The following BCO1 variants were observed in gnomAD, a reference collection of about 807,000 sequenced individuals.
BCO1 encodes beta-carotene oxygenase 1, also known as beta,beta-carotene 15,15'-dioxygenase.
BCO1 carries 54 observed loss-of-function variants against 56.3 expected under a neutral mutation model. That is an observed-to-expected ratio of 0.96 (90% CI 0.77 to 1.20). The LOEUF is 1.20. Among genes scored for constraint, BCO1 ranks in the 50% most tolerant of loss-of-function variants. The probability of loss-of-function intolerance (pLI) is 0.00; values close to 1 mark genes in which losing one functional copy is unlikely to be tolerated. For missense variants in BCO1, 801 were observed against 690.9 expected (o/e 1.16, Z -1.79); for synonymous variants, 318 against 266.1 (o/e 1.20, Z -1.90).
chr16:81,244,112 C>T (rs1382088229), intron 1 of BCO1, among the ~76,000 whole-genome samples: 1 of 152,218 alleles, frequency 6.6e-6, no homozygotes, highest in African/African-American at 2.4e-5. Context: ...GCCTGCCCCA[C>T]CCGCAGTCAG....
chr16:81,261,366 C>G (rs541557757), intron 3 of BCO1, among the ~76,000 whole-genome samples: 1 of 152,318 alleles, frequency 6.6e-6, no homozygotes, highest in East Asian at 1.9e-4. Context: ...GTGTTCTTAA[C>G]TCATAATTAG....
At chr16:81,245,899 G>C (rs1284272482) in intron 2 of BCO1, among the ~76,000 whole-genome samples, 4 of 97,376 alleles carry the variant, frequency 4.1e-5, no homozygotes, top group Admixed American at 1.7e-4. Flanking sequence ...TTTTGCTCTT[G>C]TTGCCCAAGC....
rs1434044705 is a variant in BCO1, at chr16:81,264,884, G to A, written c.619+97G>A. ...CGTTGATGACACAAGATCCAGTGTG[G>A]TACTTTCTCCCGTAGATTATTGAGG... On this transcript the variant is annotated intron_variant, in intron 5 of 10. Coordinates refer to ENST00000258168, the MANE Select transcript of BCO1 (RefSeq NM_017429.3). The A allele has an allele frequency of 4.3e-6, 6 of 1,389,734 alleles. No homozygotes were observed. The East Asian group carries it at 1.2e-4, about 27-fold the overall frequency. 86.1% of individuals were successfully genotyped at this position (1,389,734 alleles called of 1,614,324 possible).
chr16:81,268,069 G>T lies in BCO1; in HGVS notation c.781G>T (p.Ala261Ser). The change falls in exon 6 of 11, where the codon GCA (alanine) becomes TCA (serine). Residue 261 changes from alanine to serine, a missense_variant. Transcript: ENST00000258168. ...TTTCAGGTTGGATATTCTCAAGATG[G>T]CAACCGCATACATCCGGAGAATGAG... ...QPFRLDILKMATAYIRRMSWA... is the reference protein window; with the variant it reads ...QPFRLDILKMSTAYIRRMSWA... The T allele has an allele frequency of 6.2e-7, 1 of 1,613,036 alleles. No homozygotes were observed. Among genetic ancestry groups the T allele is most frequent in the Non-Finnish European group, 8.5e-7 (1 of 1,179,992 alleles).
intron 7 of BCO1, among the ~76,000 whole-genome samples, chr16:81,275,491 T>C (rs1225158669): frequency 6.6e-6 from 1 of 152,242 alleles, no homozygotes; most frequent in African/African-American, 2.4e-5. Context: ...TTGTAACTCT[T>C]TGTCAACATT....
chr16:81,273,676 T>C (rs1007761959), intron 7 of BCO1, among the ~76,000 whole-genome samples: 1 of 151,670 alleles, frequency 6.6e-6, no homozygotes, highest in Non-Finnish European at 1.5e-5. Flanking sequence ...CACTCTCTAC[T>C]TAGCTCATTT....
intron 9 of BCO1, among the ~76,000 whole-genome samples, chr16:81,287,034 C>A (rs1246231977): frequency 6.6e-6 from 1 of 151,806 alleles, no homozygotes; most frequent in Non-Finnish European, 1.5e-5. Flanking sequence ...AAGATCACGC[C>A]ATTGCACTCC....
At chr16:81,255,193 T>C (rs1906054879) in intron 2 of BCO1, among the ~76,000 whole-genome samples, 1 of 152,174 alleles carries the variant, frequency 6.6e-6, no homozygotes, top group South Asian at 2.1e-4. Context: ...GTGATTTTAA[T>C]TGGAAGGTGC....
At position 81,268,018 on chromosome 16, in the gene BCO1, A is replaced by T. The variant is rs1906939622; in HGVS notation, c.730A>T (p.Asn244Tyr). 6.2e-7 allele frequency: 1 copy of T among 1,613,674 alleles called. No individual in the cohort carries two copies. The highest frequency in any genetic ancestry group is 8.5e-7 in the Non-Finnish European group (1 of 1,179,960). ...CTACCACAGCTTTGGAGTCACCGAG[A>T]ACTATGTCATCTTCCTTGAGCAGCC... ...SYYHSFGVTE[N>Y]YVIFLEQPFR... Residue 244 changes from asparagine to tyrosine, a missense_variant, in exon 6 of 11, where the codon AAC becomes TAC. Asn to Tyr is a moderately radical substitution (Grantham distance 143, BLOSUM62 -2). Coordinates refer to ENST00000258168, the MANE Select transcript of BCO1 (RefSeq NM_017429.3).
At chr16:81,266,809 C>T (rs1426166426) in intron 5 of BCO1, among the ~76,000 whole-genome samples, 3 of 152,158 alleles carry the variant, frequency 2.0e-5, no homozygotes, top group African/African-American at 7.2e-5. Flanking sequence ...GACTCATGCC[C>T]CATCCTGCTC....
intron 2 of BCO1, among the ~76,000 whole-genome samples, chr16:81,251,859 C>A (rs541415447): frequency 7.2e-5 from 10 of 138,932 alleles, no homozygotes; most frequent in Admixed American, 2.1e-4. Flanking sequence ...CACGCACACA[C>A]ACACACACAC....
chr16:81,264,868 C>G, intron 5 of BCO1, 81 bp downstream of exon 5: 1 of 1,493,448 alleles, frequency 6.7e-7, no homozygotes. Context: ...TCGTTGATGA[C>G]ACAAGATCCA....
At chr16:81,285,345 G>C (rs548594776) in intron 8 of BCO1, among the ~76,000 whole-genome samples, 195 bp from the exon 9 acceptor site, 1 of 152,288 alleles carries the variant, frequency 6.6e-6, no homozygotes, top group Non-Finnish European at 1.5e-5. Flanking sequence ...CTCTAATAGA[G>C]CTGGGGTAAT....
At chr16:81,252,979 G>T (rs1032354184) in intron 2 of BCO1, among the ~76,000 whole-genome samples, 1 of 152,056 alleles carries the variant, frequency 6.6e-6, no homozygotes, top group Admixed American at 6.6e-5. Flanking sequence ...CATGGTGGCA[G>T]GCACCTGTCA....
intron 1 of BCO1, among the ~76,000 whole-genome samples, chr16:81,244,001 C>T (rs1162797076): frequency 6.6e-6 from 1 of 152,226 alleles, no homozygotes; most frequent in Non-Finnish European, 1.5e-5. Context: ...AAGGCAACGG[C>T]GGGATTTGTC....
chr16:81,280,802 G>A, intron 7 of BCO1, 55 bp from the exon 8 acceptor site: 1 of 1,297,862 alleles, frequency 7.7e-7, no homozygotes, highest in Non-Finnish European at 1.1e-6. Context: ...TAAAGCAAAT[G>A]TTTGCTCTGG....
chr16:81,249,526 G>A (rs538564690), intron 2 of BCO1, among the ~76,000 whole-genome samples: 37 of 152,292 alleles, frequency 2.4e-4, no homozygotes, highest in South Asian at 6.2e-4. Context: ...AAAATGCTGG[G>A]ATTACAGGTG....
Position 81,270,321 on chromosome 16 carries a change from T to A in BCO1, c.1006T>A (p.Tyr336Asn), listed in dbSNP as rs1372676499. 3.1e-6 allele frequency: 5 copies of A among 1,614,010 alleles called. No individual in the cohort carries two copies. The highest frequency in any genetic ancestry group is 4.2e-6 in the Non-Finnish European group (5 of 1,180,032). Reference protein sequence around the residue: ...YEDNSLYQLFYLANLNQDFKE... With the variant: ...YEDNSLYQLFNLANLNQDFKE... The stretch of plus-strand genomic sequence containing the variant: ...GGACAACAGCCTCTACCAGCTCTTC[T>A]ACCTGGCCAACCTGAACCAGGACTT... The change falls in exon 7 of 11, where the codon TAC (tyrosine) becomes AAC (asparagine). Residue 336 changes from tyrosine (Y) to asparagine (N), a missense_variant. Physicochemically the swap from Tyr to Asn is moderately radical, Grantham distance 143 (BLOSUM62 -2). Transcript: ENST00000258168.
At chr16:81,279,534 G>A (rs187378355) in intron 7 of BCO1, among the ~76,000 whole-genome samples, 1 of 152,304 alleles carries the variant, frequency 6.6e-6, no homozygotes, top group Non-Finnish European at 1.5e-5. Flanking sequence ...TTATTGTGAA[G>A]CAGGCATTCT....
Sources: gnomAD v4.1 joint callset for allele counts (sites outside exome capture counted in the v4.1 genomes callset) on GRCh38, gnomAD v4.1.1 for gene constraint, MANE v1.5 for transcripts, NCBI Gene and HGNC (gene_info 2026-07-23, HGNC 2026-07-21) for gene names.